The following ARHGAP24 variants were observed in gnomAD, a reference collection of about 807,000 sequenced individuals.
ARHGAP24 encodes the protein rho GTPase-activating protein 24.
ARHGAP24 carries 50 observed loss-of-function variants against 76.4 expected under a neutral mutation model. The observed-to-expected ratio is 0.65, with a 90% CI of 0.52 to 0.83. The LOEUF (loss-of-function observed/expected upper bound fraction) is 0.83. Among genes scored for constraint, ARHGAP24 ranks in the 40% least tolerant of loss-of-function variants. The pLI, the probability that ARHGAP24 is intolerant of heterozygous loss-of-function variation, is 0.00. For synonymous variants in ARHGAP24, 345 were observed against 323.3 expected (o/e 1.07, Z -0.72); for missense variants, 930 against 914.2 (o/e 1.02, Z -0.22).
intron 5 of ARHGAP24, among the ~76,000 whole-genome samples, chr4:85,959,665 G>T (rs1221499591): frequency 6.6e-6 from 1 of 152,126 alleles, no homozygotes; most frequent in Non-Finnish European, 1.5e-5. Flanking sequence ...TCCGTGATTC[G>T]TGTACAAGCT....
At chr4:85,519,149 A>C (rs1724639855) in intron 1 of ARHGAP24, among the ~76,000 whole-genome samples, 1 of 152,184 alleles carries the variant, frequency 6.6e-6, no homozygotes, top group African/African-American at 2.4e-5. Flanking sequence ...AACAATCAAA[A>C]AACAGTTGAT....
At chr4:85,652,588 T>C (rs10018180) in intron 2 of ARHGAP24, among the ~76,000 whole-genome samples, 59,489 of 152,048 alleles carry the variant, frequency 0.39, 13,150 homozygotes, top group East Asian at 0.84. Context: ...AATTTTAAGC[T>C]TTGTATTAAG....
chr4:85,708,530 A>T (rs867202205), intron 2 of ARHGAP24, among the ~76,000 whole-genome samples: 5 of 152,198 alleles, frequency 3.3e-5, no homozygotes, highest in Non-Finnish European at 7.3e-5. Context: ...ATTTAAAATG[A>T]ATTTGTCAGA....
chr4:85,950,447 T>A (rs1347967623), intron 5 of ARHGAP24, among the ~76,000 whole-genome samples: 1 of 151,634 alleles, frequency 6.6e-6, no homozygotes, highest in African/African-American at 2.4e-5. Flanking sequence ...CTGCAATGAG[T>A]TATGATCATA....
intron 4 of ARHGAP24, among the ~76,000 whole-genome samples, chr4:85,926,396 T>C (rs1209783419): frequency 6.6e-6 from 1 of 152,200 alleles, no homozygotes; most frequent in African/African-American, 2.4e-5. Context: ...TTTTAAAGTA[T>C]TCATTTAATT....
At chr4:85,873,434 C>G (rs114380308) in intron 3 of ARHGAP24, among the ~76,000 whole-genome samples, 1,980 of 152,182 alleles carry the variant, frequency 0.013, 23 homozygotes, top group Non-Finnish European at 0.021. Context: ...TTTTGTCATT[C>G]AGCAAATACT....
intron 3 of ARHGAP24, among the ~76,000 whole-genome samples, chr4:85,902,275 G>A (rs1734537862): frequency 6.6e-6 from 1 of 152,134 alleles, no homozygotes; most frequent in South Asian, 2.1e-4. Flanking sequence ...AGAGACCCCT[G>A]AAGATGTTTA....
At chr4:85,612,747 G>A (rs1720434506) in intron 2 of ARHGAP24, among the ~76,000 whole-genome samples, 1 of 138,318 alleles carries the variant, frequency 7.2e-6, no homozygotes, top group African/African-American at 2.7e-5. Flanking sequence ...GAAAGAAAAT[G>A]TTACAGATAC....
At chr4:86,000,176 G>C (rs2148876240) in intron 9 of ARHGAP24, 1 of 272,260 alleles carries the variant, frequency 3.7e-6, no homozygotes, top group South Asian at 3.9e-5. Context: ...TGCCTCGTCT[G>C]CCCGGCATGT....
At chr4:85,879,104 A>G (rs1387434796) in intron 3 of ARHGAP24, among the ~76,000 whole-genome samples, 1 of 152,218 alleles carries the variant, frequency 6.6e-6, no homozygotes, top group African/African-American at 2.4e-5. Flanking sequence ...AGACTTGTAT[A>G]TATTTCACAG....
At chr4:85,591,205 C>G (rs1336665458) in intron 2 of ARHGAP24, among the ~76,000 whole-genome samples, 1 of 151,950 alleles carries the variant, frequency 6.6e-6, no homozygotes, top group African/African-American at 2.4e-5. Context: ...GCCACCATGC[C>G]TGGCTAATTA....
At chr4:85,684,364 G>T (rs1189958880) in intron 2 of ARHGAP24, among the ~76,000 whole-genome samples, 1 of 151,998 alleles carries the variant, frequency 6.6e-6, no homozygotes, top group Non-Finnish European at 1.5e-5. Flanking sequence ...GATGATTAAT[G>T]ATGAAATATA....
At chr4:85,896,429 A>G (rs1734182896) in intron 3 of ARHGAP24, among the ~76,000 whole-genome samples, 1 of 152,216 alleles carries the variant, frequency 6.6e-6, no homozygotes, top group African/African-American at 2.4e-5. Context: ...CTTTTCTGCA[A>G]TCCCATGCTG....
At chr4:85,487,412 AT>A (rs1486689381) in intron 1 of ARHGAP24, among the ~76,000 whole-genome samples, 60 of 109,192 alleles carry the variant, frequency 5.5e-4, no homozygotes, top group African/African-American at 1.9e-3. Context: ...ATATATATTT[AT>A]TATATATTAT....
chr4:85,824,658 T>C (rs868168762), intron 3 of ARHGAP24, among the ~76,000 whole-genome samples: 30 of 135,282 alleles, frequency 2.2e-4, no homozygotes, highest in African/African-American at 7.7e-4. Context: ...TTTCCATATA[T>C]GATTCTAAAA....
chr4:85,958,156 A>C (rs1470464068), intron 5 of ARHGAP24, among the ~76,000 whole-genome samples: 1 of 152,138 alleles, frequency 6.6e-6, no homozygotes, highest in Non-Finnish European at 1.5e-5. Context: ...GCCACTTACT[A>C]CCCATGTTAA....
intron 2 of ARHGAP24, among the ~76,000 whole-genome samples, chr4:85,706,306 T>G (rs1724305422): frequency 6.6e-6 from 1 of 152,182 alleles, no homozygotes; most frequent in Non-Finnish European, 1.5e-5. Flanking sequence ...TAAAAATACA[T>G]TTTGCTTATT....
chr4:85,568,565 G>A (rs1020164918), intron 1 of ARHGAP24, among the ~76,000 whole-genome samples: 3 of 152,052 alleles, frequency 2.0e-5, no homozygotes, highest in African/African-American at 7.2e-5. Flanking sequence ...ATAGTAGGTC[G>A]GGTACTGCGA....
chr4:85,763,137 T>G (rs1202143566), intron 3 of ARHGAP24, among the ~76,000 whole-genome samples: 2 of 152,202 alleles, frequency 1.3e-5, no homozygotes, highest in East Asian at 3.8e-4. Context: ...GAAGCTACTA[T>G]TCGAAGTGAA....
Sources: gnomAD v4.1 joint callset for allele counts (sites outside exome capture counted in the v4.1 genomes callset) on GRCh38, gnomAD v4.1.1 for gene constraint, MANE v1.5 for transcripts, NCBI Gene and HGNC (gene_info 2026-07-23, HGNC 2026-07-21) for gene names.